PARD3B: variants seen among roughly 807,000 people sequenced by gnomAD.
PARD3B encodes par-3 family cell polarity regulator beta, also known as partitioning defective 3 homolog B.
Under a neutral mutation model 130.2 loss-of-function variants are expected in PARD3B, and 103 were observed. The observed-to-expected ratio is 0.79, with a 90% CI of 0.67 to 0.93. The LOEUF (loss-of-function observed/expected upper bound fraction) is 0.93, where lower values mean the gene tolerates loss of function less well. Ranked by LOEUF, PARD3B falls within the 40% of genes least tolerant of loss-of-function variation. The pLI is 0.00. For missense variants in PARD3B, 1,609 were observed against 1,499.2 expected (o/e 1.07, Z -1.21); for synonymous variants, 583 against 553.2 (o/e 1.05, Z -0.76).
At chr2:204,991,634 T>C (rs940903865) in intron 3 of PARD3B, among the ~76,000 whole-genome samples, 65 of 148,702 alleles carry the variant, frequency 4.4e-4, no homozygotes, top group Non-Finnish European at 9.2e-4. Flanking sequence ...TAGTTCTAGA[T>C]CCCTGAGGAA....
Position 205,085,124 on chromosome 2 carries a change from G to A in PARD3B, c.505-19302G>A, listed in dbSNP as rs796694523. ...TCCCTCTTTTATATTAGGAGGCTAC[G>A]TTGTTAGGTGCGTAGGTTGGAATTT... On this transcript the variant is annotated intron_variant, in intron 4 of 22. Transcript: ENST00000406610. Among the ~76,000 whole-genome samples, 19 of 151,998 alleles carry A rather than the reference G, an allele frequency of 1.3e-4. No homozygotes were observed. In the East Asian group the frequency reaches 1.5e-3, roughly 12 times the overall value.
chr2:205,548,279 C>T (rs1403398139), intron 21 of PARD3B, among the ~76,000 whole-genome samples: 1 of 152,124 alleles, frequency 6.6e-6, no homozygotes, highest in Non-Finnish European at 1.5e-5. Flanking sequence ...CCCAATACTA[C>T]ATCTCTAGTC....
chr2:204,890,567 A>G lies in PARD3B; in HGVS notation c.223-74585A>G, dbSNP rs1337180531. Among the ~76,000 whole-genome samples, 1 of 151,976 alleles carries G rather than the reference A, an allele frequency of 6.6e-6. No homozygotes were observed. The highest frequency in any genetic ancestry group is 2.4e-5 in the African/African-American group (1 of 41,376). On this transcript the variant is annotated intron_variant, in intron 2 of 22. Coordinates refer to ENST00000406610, the MANE Select transcript of PARD3B (RefSeq NM_001302769.2). This position sits in a 1 kb window ranked among gnomAD's most constrained non-coding sequence, Gnocchi z 4.9. Reference sequence around the variant, plus strand: ...GTTTTGGGTACCATCATTGATTTCCACCTCCCCCCACCACATCCCCTTATA... The same window carrying G: ...GTTTTGGGTACCATCATTGATTTCCGCCTCCCCCCACCACATCCCCTTATA...
intron 22 of PARD3B, among the ~76,000 whole-genome samples, chr2:205,607,837 CACACACACACA>C (rs2055064303): frequency 9.5e-5 from 9 of 94,450 alleles, no homozygotes; most frequent in Admixed American, 5.5e-4. Flanking sequence ...CCCATACACA[CACACACACACA>C]CACACACACA....
At chr2:205,420,545 G>T (rs900566100) in intron 19 of PARD3B, among the ~76,000 whole-genome samples, 1 of 152,136 alleles carries the variant, frequency 6.6e-6, no homozygotes, top group African/African-American at 2.4e-5. Flanking sequence ...AACACCTGCA[G>T]GTCTACTCTG....
chr2:205,418,555 C>G (rs575715525), intron 19 of PARD3B, among the ~76,000 whole-genome samples: 2 of 152,272 alleles, frequency 1.3e-5, no homozygotes, highest in East Asian at 3.9e-4. Flanking sequence ...GTAGCTGGGA[C>G]AATAGGACAC....
chr2:205,255,933 T>G (rs907086125), intron 16 of PARD3B, among the ~76,000 whole-genome samples: 1 of 152,090 alleles, frequency 6.6e-6, no homozygotes, highest in Non-Finnish European at 1.5e-5. Flanking sequence ...GCTCTTTTTC[T>G]CTCTCTCCGG....
chr2:204,842,401 G>T (rs958274369), intron 2 of PARD3B, among the ~76,000 whole-genome samples: 2 of 152,022 alleles, frequency 1.3e-5, no homozygotes, highest in Non-Finnish European at 2.9e-5. Context: ...TTCCTTTAAA[G>T]AATAATATTG....
At position 204,946,705 on chromosome 2, in the gene PARD3B, A is replaced by G. The variant is rs113610411; in HGVS notation, c.223-18447A>G. Among the ~76,000 whole-genome samples the G allele has an allele frequency of 8.1e-3, 1,234 of 152,310 alleles. 10 individuals carry two copies. The highest frequency in any genetic ancestry group is 0.028 in the African/African-American group (1,150 of 41,576). On this transcript the variant is annotated intron_variant, in intron 2 of 22. Coordinates refer to ENST00000406610, the MANE Select transcript of PARD3B (RefSeq NM_001302769.2). ...GATAAATAATAAGGAATTGGCTCAC[A>G]TGATTAGGGAAATGGAGAAGACCTA...
At chr2:205,348,091 C>G (rs1224158277) in intron 18 of PARD3B, 1 of 152,248 alleles carries the variant, frequency 6.6e-6, no homozygotes, top group African/African-American at 2.4e-5. Flanking sequence ...ATTGCACCCA[C>G]TGTGCTCAAT....
intron 2 of PARD3B, among the ~76,000 whole-genome samples, chr2:204,785,784 G>T (rs1279695097): frequency 6.6e-6 from 1 of 151,980 alleles, no homozygotes; most frequent in Non-Finnish European, 1.5e-5. Context: ...TTTAATTATT[G>T]AACTGATAGC....
intron 2 of PARD3B, among the ~76,000 whole-genome samples, chr2:204,711,472 T>C (rs533304140): frequency 6.6e-6 from 1 of 152,296 alleles, no homozygotes; most frequent in Non-Finnish European, 1.5e-5. Context: ...GTATATGTGA[T>C]CTCTGTGTTA....
chr2:204,607,240 A>C (rs1476737222), intron 1 of PARD3B, among the ~76,000 whole-genome samples: 1 of 152,236 alleles, frequency 6.6e-6, no homozygotes, highest in Non-Finnish European at 1.5e-5. Flanking sequence ...GCAGATTATC[A>C]TATAGACGAA....
At chr2:205,151,385 G>A (rs1367494862) in intron 10 of PARD3B, among the ~76,000 whole-genome samples, 5 of 152,170 alleles carry the variant, frequency 3.3e-5, no homozygotes, top group Non-Finnish European at 5.9e-5. Flanking sequence ...CATTATTACT[G>A]TGTGGGGGTC....
intron 2 of PARD3B, 38 bp from the exon 3 acceptor site, chr2:204,965,114 T>C: frequency 6.3e-7 from 1 of 1,598,980 alleles, no homozygotes; most frequent in Non-Finnish European, 8.5e-7. Flanking sequence ...GGTATGCATG[T>C]CCTACAAAGT....
intron 1 of PARD3B, among the ~76,000 whole-genome samples, chr2:204,588,971 C>T (rs1157354579): frequency 6.6e-6 from 1 of 150,966 alleles, no homozygotes; most frequent in Non-Finnish European, 1.5e-5. Flanking sequence ...TTCTCAAGCT[C>T]TTCAGGATGC....
At chr2:205,328,287 T>G (rs73058323) in intron 18 of PARD3B, among the ~76,000 whole-genome samples, 3,497 of 152,276 alleles carry the variant, frequency 0.023, 116 homozygotes, top group African/African-American at 0.071. Flanking sequence ...TCATTATCTC[T>G]TATTGTCACC....
At chr2:205,057,659 A>G (rs1699798622) in intron 4 of PARD3B, among the ~76,000 whole-genome samples, 1 of 145,044 alleles carries the variant, frequency 6.9e-6, no homozygotes. Context: ...GTGTATACGT[A>G]CATATACATA....
chr2:204,686,323 A>C (rs1435345678), intron 2 of PARD3B, 41 bp downstream of exon 2: 3 of 1,378,328 alleles, frequency 2.2e-6, no homozygotes, highest in South Asian at 2.3e-5. Flanking sequence ...TTTCCTCTAC[A>C]GAGCTGCATG....
Sources: gnomAD v4.1 joint callset for allele counts (sites outside exome capture counted in the v4.1 genomes callset) on GRCh38, gnomAD v4.1.1 for gene constraint, Gnocchi (gnomAD v3.1) non-coding constraint, MANE v1.5 for transcripts, NCBI Gene and HGNC (gene_info 2026-07-23, HGNC 2026-07-21) for gene names.